The following WDR47 variants were observed in gnomAD, a reference collection of about 807,000 sequenced individuals.
WDR47 encodes WD repeat domain 47, also known as WD repeat-containing protein 47.
In WDR47, 32 loss-of-function variants were observed where a neutral mutation model predicts 97.2. That is an observed-to-expected ratio of 0.33 (90% CI 0.25 to 0.44). The LOEUF is 0.44. WDR47 is among the 20% of genes least tolerant of loss of function. The pLI is 1.00. For missense variants in WDR47, 782 were observed against 1,102.3 expected (o/e 0.71, Z 4.11); for synonymous variants, 375 against 373.5 (o/e 1.00, Z -0.05).
At chr1:109,027,976 A>G (rs1278156632) in intron 1 of WDR47, among the ~76,000 whole-genome samples, 1 of 152,220 alleles carries the variant, frequency 6.6e-6, no homozygotes, top group Non-Finnish European at 1.5e-5. Flanking sequence ...AGAATTCAAT[A>G]ATAATTACTT....
chr1:108,992,868 A>T, intron 8 of WDR47: 1 of 1,136,758 alleles, frequency 8.8e-7, no homozygotes, highest in Non-Finnish European at 1.2e-6. Context: ...AATTAAAAGG[A>T]AAAAAAAAAG....
chr1:108,992,448 A>G (rs1044295591), intron 8 of WDR47: 26 of 1,591,680 alleles, frequency 1.6e-5, no homozygotes, highest in Non-Finnish European at 2.0e-5. Flanking sequence ...TTACAGAAAC[A>G]GTGTGTACCA....
chr1:109,033,403 AT>A (rs1284399661), intron 1 of WDR47, among the ~76,000 whole-genome samples: 1 of 152,210 alleles, frequency 6.6e-6, no homozygotes, highest in Non-Finnish European at 1.5e-5. Context: ...TGAGCAAAAA[AT>A]ATAGACAATT....
intron 1 of WDR47, among the ~76,000 whole-genome samples, chr1:109,033,186 C>T (rs1159574272): frequency 2.6e-5 from 4 of 151,884 alleles, no homozygotes; most frequent in East Asian, 1.9e-4. Context: ...CCCAGGTACT[C>T]GGGAGGCTGA....
In WDR47 at chr1:108,974,715, C is replaced by T. The variant is rs371074191; in HGVS notation, c.2438G>A (p.Arg813His). 3.5e-5 allele frequency: 56 copies of T among 1,613,412 alleles called. No individual in the cohort carries two copies. Among genetic ancestry groups the T allele is most frequent in the Non-Finnish European group, 4.1e-5 (48 of 1,179,748 alleles). Residue 813 changes from arginine (R) to histidine (H), a missense_variant, in exon 14 of 15, where the codon CGT (arginine) becomes CAT (histidine). Around this residue, in one of 3 missense-constraint regions of WDR47, gnomAD observed 228 missense variants for 396.7 expected, o/e 0.57. Coordinates refer to ENST00000369962, the MANE Select transcript of WDR47 (RefSeq NM_001142551.2). ...VASVAVDPSG[R>H]LLATGQEDSS... The stretch of plus-strand genomic sequence containing the variant: ...ATCTTCTTGACCTGTGGCTAAGAGA[C>T]GACCACTGGGATCTACAGCTACAGA...
chr1:109,006,821 T>C (rs988967537), intron 5 of WDR47, among the ~76,000 whole-genome samples: 1 of 152,228 alleles, frequency 6.6e-6, no homozygotes, highest in Non-Finnish European at 1.5e-5. Context: ...TCTGTTCAAG[T>C]GGAAAGATAT....
At chr1:109,008,110 G>GA (rs66883954) in intron 5 of WDR47, among the ~76,000 whole-genome samples, 25 of 143,536 alleles carry the variant, frequency 1.7e-4, no homozygotes, top group African/African-American at 2.8e-4. Context: ...TCAAAAAAAA[G>GA]AAAAAAAAAA....
chr1:109,017,507 T>TA lies in WDR47; in HGVS notation c.242+10dup, dbSNP rs1423576092. The TA allele has an allele frequency of 6.2e-7, 1 of 1,602,658 alleles. No homozygotes were observed. Among genetic ancestry groups the TA allele is most frequent in the Non-Finnish European group, 8.5e-7 (1 of 1,175,676 alleles). On this transcript the variant is annotated intron_variant, in intron 3 of 14. Transcript: ENST00000369962. ...ATGATGAGACACTAAAAACTTTAGA[T>TA]AAAATCTTACCTTTTTTTGTCAAAT... is the stretch of plus-strand genomic sequence containing the variant.
chr1:109,036,388 A>G lies in WDR47; in HGVS notation c.-10+5474T>C, dbSNP rs369048346. Among the ~76,000 whole-genome samples, 14 of 152,018 alleles carry G rather than the reference A, an allele frequency of 9.2e-5. No individual in the cohort carries two copies. In the East Asian group the frequency reaches 1.2e-3, roughly 13 times the overall value. ...GGAGATCCAGACCATCCTGGCCAACATGGTGAAATCCCGTCTCTACTAAAA... is the reference window on the plus strand; with the variant it reads ...GGAGATCCAGACCATCCTGGCCAACGTGGTGAAATCCCGTCTCTACTAAAA... On this transcript the variant is annotated intron_variant, in intron 1 of 14. Coordinates refer to ENST00000369962, the MANE Select transcript of WDR47 (RefSeq NM_001142551.2).
At chr1:108,993,777 G>C (rs1659545656) in intron 8 of WDR47, among the ~76,000 whole-genome samples, 1 of 152,224 alleles carries the variant, frequency 6.6e-6, no homozygotes, top group African/African-American at 2.4e-5. Flanking sequence ...GAAGTTTTAT[G>C]ATTTTATAAT....
At chr1:109,015,956 C>T (rs2101966194) in intron 3 of WDR47, among the ~76,000 whole-genome samples, 1 of 147,070 alleles carries the variant, frequency 6.8e-6, no homozygotes, top group Non-Finnish European at 1.5e-5. Flanking sequence ...GCATTCCAGC[C>T]TGGGTGACAG....
At chr1:109,030,280 G>T in intron 1 of WDR47, 2 of 1,477,608 alleles carry the variant, frequency 1.4e-6, no homozygotes, top group Non-Finnish European at 1.8e-6. Context: ...GAAAAGCAAG[G>T]CTTACAGAAG....
intron 7 of WDR47, 33 bp from the exon 8 acceptor site, chr1:108,995,870 T>C (rs1659712798): frequency 1.3e-6 from 2 of 1,595,692 alleles, no homozygotes; most frequent in Non-Finnish European, 1.7e-6. Flanking sequence ...CATTTTAAAA[T>C]AAAAACTTAA....
chr1:109,013,723 C>T, intron 4 of WDR47, 118 bp downstream of exon 4: 1 of 1,000,116 alleles, frequency 1.0e-6, no homozygotes, highest in Non-Finnish European at 1.5e-6. Flanking sequence ...AGATCTTGCC[C>T]CATCCCAGCT....
chr1:108,978,979 G>T (rs1198588118), intron 13 of WDR47, among the ~76,000 whole-genome samples: 1 of 152,142 alleles, frequency 6.6e-6, no homozygotes, highest in Non-Finnish European at 1.5e-5. Context: ...AAAATTGAGG[G>T]TAAGAACTGG....
At chr1:109,002,198 T>C in intron 7 of WDR47, 26 bp downstream of exon 7, 1 of 1,526,728 alleles carries the variant, frequency 6.5e-7, no homozygotes. Flanking sequence ...TAACTCCATA[T>C]TTTAAAAAGT....
At chr1:109,035,120 C>T (rs1447621733) in intron 1 of WDR47, among the ~76,000 whole-genome samples, 1 of 150,666 alleles carries the variant, frequency 6.6e-6, no homozygotes, top group Non-Finnish European at 1.5e-5. Flanking sequence ...GTGGTGCAGG[C>T]CTGAGGTCCC....
Position 108,971,281 on chromosome 1 carries a change from ACCT to A in WDR47, c.*146_*148del. ...GCACTGCGGAATAACACCACCCAAC[ACCT>A]CCTATCAGTGGGATACATGGTAATA... On this transcript the variant is annotated 3_prime_UTR_variant, in exon 15 of 15. Coordinates refer to ENST00000369962, the MANE Select transcript of WDR47 (RefSeq NM_001142551.2). The A allele has an allele frequency of 9.4e-7, 1 of 1,067,256 alleles. No individual in the cohort carries two copies. The highest frequency in any genetic ancestry group is 2.6e-5 in the Admixed American group (1 of 38,726). The allele number at this position is 1,067,256 out of a possible 1,614,324, so 66.1% of individuals were successfully genotyped here.
chr1:108,999,966 C>T (rs1417261739), intron 7 of WDR47, among the ~76,000 whole-genome samples: 1 of 152,182 alleles, frequency 6.6e-6, no homozygotes, highest in African/African-American at 2.4e-5. Flanking sequence ...TGACAAGCCA[C>T]CCACTTCAAC....
Sources: gnomAD v4.1 joint callset for allele counts (sites outside exome capture counted in the v4.1 genomes callset) on GRCh38, gnomAD v4.1.1 for gene constraint, gnomAD v4.1.1 regional missense constraint, MANE v1.5 for transcripts, NCBI Gene and HGNC (gene_info 2026-07-23, HGNC 2026-07-21) for gene names.